YAP1: variants seen among roughly 807,000 people sequenced by gnomAD.
YAP1 encodes the protein transcriptional coactivator YAP1.
YAP1 carries 5 observed loss-of-function variants against 56.9 expected under a neutral mutation model. The ratio of observed to expected loss-of-function variants is 0.09; its 90% CI spans 0.05 to 0.18. YAP1 has a LOEUF of 0.18. Among genes scored for constraint, YAP1 ranks in the 10% least tolerant of loss-of-function variants. The pLI, the probability that YAP1 is intolerant of heterozygous loss-of-function variation, is 1.00. For synonymous variants in YAP1, 265 were observed against 248.1 expected (o/e 1.07, Z -0.64); for missense variants, 539 against 651.8 (o/e 0.83, Z 1.88).
At chr11:102,153,174 C>G (rs1591249912) in intron 2 of YAP1, among the ~76,000 whole-genome samples, 1 of 152,108 alleles carries the variant, frequency 6.6e-6, no homozygotes, top group African/African-American at 2.4e-5. Context: ...CTGAGGTGTT[C>G]CAATTCCAGT....
intron 4 of YAP1, among the ~76,000 whole-genome samples, chr11:102,197,141 T>C (rs1361032884): frequency 2.0e-5 from 3 of 152,200 alleles, no homozygotes; most frequent in East Asian, 1.9e-4. Flanking sequence ...GTCTACTGTT[T>C]TGTAGTTTTG....
intron 2 of YAP1, among the ~76,000 whole-genome samples, chr11:102,136,347 CTTT>C (rs549818441): frequency 2.1e-5 from 3 of 141,992 alleles, no homozygotes; most frequent in East Asian, 2.0e-4. Context: ...GCCATTTTTC[CTTT>C]TTTTTTTTTT....
At chr11:102,120,879 T>C (rs755682055) in intron 2 of YAP1, among the ~76,000 whole-genome samples, 1 of 152,232 alleles carries the variant, frequency 6.6e-6, no homozygotes, top group Non-Finnish European at 1.5e-5. Context: ...TTCTCGTATA[T>C]CCTGAACTGA....
At position 102,186,006 on chromosome 11, in the gene YAP1, TCTG is replaced by T; in HGVS notation, c.689-11_689-9del. 6.5e-7 allele frequency: 1 copy of T among 1,542,166 alleles called. No individual in the cohort carries two copies. Among genetic ancestry groups the T allele is most frequent in the Middle Eastern group, 2.4e-4 (1 of 4,204 alleles). On this transcript the variant is annotated splice_polypyrimidine_tract_variant and intron_variant, in intron 3 of 8. Transcript: ENST00000282441. ...AAAAACCATGATTTTTTTTTTTTTT[TCTG>T]TATTATAGGTCCTCTTCCTGATGGA...
At chr11:102,116,645 G>T (rs529959159) in intron 2 of YAP1, among the ~76,000 whole-genome samples, 4 of 152,188 alleles carry the variant, frequency 2.6e-5, no homozygotes, top group African/African-American at 4.8e-5. Flanking sequence ...GGTTGCAAGG[G>T]TAGAGAGATA....
At chr11:102,208,060 G>C (rs1949213324) in intron 5 of YAP1, among the ~76,000 whole-genome samples, 1 of 152,170 alleles carries the variant, frequency 6.6e-6, no homozygotes, top group Non-Finnish European at 1.5e-5. Context: ...CCTGAAACTT[G>C]TATGACAGAG....
At chr11:102,142,480 G>A (rs1011224993) in intron 2 of YAP1, among the ~76,000 whole-genome samples, 1 of 152,186 alleles carries the variant, frequency 6.6e-6, no homozygotes, top group Non-Finnish European at 1.5e-5. Flanking sequence ...TTAGCATGAA[G>A]ACTGAGGCAG....
chr11:102,221,799 A>G (rs1367586686), intron 6 of YAP1, among the ~76,000 whole-genome samples: 1 of 152,212 alleles, frequency 6.6e-6, no homozygotes, highest in Admixed American at 6.5e-5. Flanking sequence ...AGCAATGATC[A>G]TAAATGGTAT....
intron 3 of YAP1, among the ~76,000 whole-genome samples, chr11:102,177,821 G>GT (rs1840066018): frequency 1.3e-5 from 2 of 152,126 alleles, no homozygotes; most frequent in Admixed American, 1.3e-4. Context: ...TATTGACCCT[G>GT]TGAGAGGCAT....
chr11:102,206,087 G>A lies in YAP1; in HGVS notation c.984+13G>A, dbSNP rs773626188. ...ACTGCTTCGGCAGGTGAGGCCACAG[G>A]TTAGAAACCAGCCTTCCACTTTTGG... On this transcript the variant is annotated intron_variant, in intron 5 of 8. Coordinates refer to ENST00000282441, the MANE Select transcript of YAP1 (RefSeq NM_001130145.3). 6.2e-7 allele frequency: 1 copy of A among 1,601,126 alleles called. No individual in the cohort carries two copies. Among genetic ancestry groups the A allele is most frequent in the Non-Finnish European group, 8.5e-7 (1 of 1,171,234 alleles).
At chr11:102,129,435 A>G (rs943900759) in intron 2 of YAP1, among the ~76,000 whole-genome samples, 6 of 152,010 alleles carry the variant, frequency 3.9e-5, no homozygotes, top group Non-Finnish European at 7.4e-5. Flanking sequence ...CCTGACCAAC[A>G]TCGTGAAACC....
At chr11:102,229,666 A>C (rs1304526799) in intron 8 of YAP1, 36 bp from the exon 9 acceptor site, 11 of 1,596,850 alleles carry the variant, frequency 6.9e-6, no homozygotes, top group Non-Finnish European at 9.4e-6. Context: ...TTAGCTTTTC[A>C]AAAAGGACTT....
At chr11:102,180,330 T>C (rs1299465274) in intron 3 of YAP1, among the ~76,000 whole-genome samples, 1 of 152,096 alleles carries the variant, frequency 6.6e-6, no homozygotes, top group East Asian at 1.9e-4. Flanking sequence ...ATGCAAAATA[T>C]ATACTCCTGT....
chr11:102,208,266 C>G (rs1386202343), intron 5 of YAP1, among the ~76,000 whole-genome samples: 2 of 152,116 alleles, frequency 1.3e-5, no homozygotes, highest in Non-Finnish European at 2.9e-5. Flanking sequence ...TGTCCCCTTC[C>G]CCTGTGAAGA....
intron 4 of YAP1, among the ~76,000 whole-genome samples, chr11:102,205,657 G>A (rs1949083354): frequency 6.8e-6 from 1 of 148,030 alleles, no homozygotes; most frequent in South Asian, 2.2e-4. Context: ...GTTCCTTATT[G>A]CATGTTAAAA....
chr11:102,194,057 G>A lies in YAP1; in HGVS notation c.802+7926G>A, dbSNP rs1334471475. Among the ~76,000 whole-genome samples, 5 of 152,084 alleles carry A rather than the reference G, an allele frequency of 3.3e-5. 1 individual carries two copies. The highest frequency in any genetic ancestry group is 4.2e-4 in the South Asian group (2 of 4,814). On this transcript the variant is annotated intron_variant, in intron 4 of 8. Coordinates refer to ENST00000282441, the MANE Select transcript of YAP1 (RefSeq NM_001130145.3). Reference sequence around the variant, plus strand: ...CCTGAACTCGTGATCCGCCCACCTCGGCCTCCCGAAGTGCTGGGATTACAG... The same window carrying A: ...CCTGAACTCGTGATCCGCCCACCTCAGCCTCCCGAAGTGCTGGGATTACAG...
At chr11:102,111,791 A>G (rs1337559468) in intron 1 of YAP1, among the ~76,000 whole-genome samples, 1 of 152,054 alleles carries the variant, frequency 6.6e-6, no homozygotes, top group Non-Finnish European at 1.5e-5. Context: ...GAACCGGTCC[A>G]TTTAGTTTTT....
chr11:102,190,752 A>G (rs1948231072), intron 4 of YAP1, among the ~76,000 whole-genome samples: 1 of 152,244 alleles, frequency 6.6e-6, no homozygotes, highest in Non-Finnish European at 1.5e-5. Context: ...AGCCTGGCCA[A>G]CATGGTCAAA....
intron 1 of YAP1, among the ~76,000 whole-genome samples, chr11:102,111,822 C>A (rs762021973): frequency 2.6e-5 from 4 of 152,088 alleles, no homozygotes; most frequent in Non-Finnish European, 4.4e-5. Context: ...TTCCTTCCCC[C>A]CTCCCGTTTC....
Sources: allele counts gnomAD v4.1 joint callset (sites outside exome capture counted in the v4.1 genomes callset), GRCh38; gene constraint gnomAD v4.1.1; transcripts MANE v1.5; gene names NCBI Gene and HGNC (gene_info 2026-07-23, HGNC 2026-07-21).